The following PCSK2 variants were observed in gnomAD, a reference collection of about 807,000 sequenced individuals.
PCSK2 encodes the protein proprotein convertase subtilisin/kexin type 2, also known as neuroendocrine convertase 2.
PCSK2 carries 14 observed loss-of-function variants against 69.7 expected under a neutral mutation model. The observed-to-expected ratio is 0.20, with a 90% CI of 0.13 to 0.31. The LOEUF is 0.31. PCSK2 is among the 10% of genes least tolerant of loss of function. PCSK2 has a pLI of 1.00. For synonymous variants in PCSK2, 307 were observed against 320.7 expected (o/e 0.96, Z 0.46); for missense variants, 544 against 842.5 (o/e 0.65, Z 4.39).
At chr20:17,449,625 G>A (rs1280356843) in intron 8 of PCSK2, among the ~76,000 whole-genome samples, 2 of 146,794 alleles carry the variant, frequency 1.4e-5, no homozygotes, top group Non-Finnish European at 3.0e-5. Context: ...CCGCCTCCTG[G>A]GTTCAAGCAA....
At chr20:17,259,356 C>T (rs6044705) in intron 1 of PCSK2, among the ~76,000 whole-genome samples, 49,442 of 152,072 alleles carry the variant, frequency 0.33, 8,777 homozygotes, top group Middle Eastern at 0.46. Context: ...AGCATGTCTT[C>T]ATCAATGTGA....
chr20:17,414,767 A>G (rs1448588956), intron 6 of PCSK2, among the ~76,000 whole-genome samples: 1 of 152,250 alleles, frequency 6.6e-6, no homozygotes, highest in Non-Finnish European at 1.5e-5. Context: ...CCTGATGAAC[A>G]TTGATGCAAA....
At chr20:17,260,410 T>C in intron 2 of PCSK2, 66 bp downstream of exon 2, 1 of 1,081,676 alleles carries the variant, frequency 9.2e-7, no homozygotes, top group Non-Finnish European at 1.4e-6. Flanking sequence ...CAAGGGGGTG[T>C]GGAGGGGCTG....
At chr20:17,410,786 C>G (rs149635081) in intron 6 of PCSK2, among the ~76,000 whole-genome samples, 2 of 152,288 alleles carry the variant, frequency 1.3e-5, no homozygotes, top group African/African-American at 4.8e-5. Flanking sequence ...TGCCATTAAG[C>G]TGGGGTTTAG....
chr20:17,361,162 G>A (rs1021668642), intron 4 of PCSK2, among the ~76,000 whole-genome samples: 7 of 152,310 alleles, frequency 4.6e-5, no homozygotes, highest in Non-Finnish European at 7.3e-5. Flanking sequence ...CATCATCACA[G>A]ATAGTTACAT....
intron 5 of PCSK2, among the ~76,000 whole-genome samples, chr20:17,400,339 G>A (rs1450934460): frequency 6.6e-6 from 1 of 152,160 alleles, no homozygotes; most frequent in Non-Finnish European, 1.5e-5. Context: ...AGAGGTCTCT[G>A]GAGCCAGACT....
chr20:17,237,408 C>T (rs557266989), intron 1 of PCSK2, among the ~76,000 whole-genome samples: 4 of 152,200 alleles, frequency 2.6e-5, no homozygotes, highest in South Asian at 4.1e-4. Flanking sequence ...GAAAACAAAG[C>T]GAAGTCCTAG....
In PCSK2 at chr20:17,227,356, C is replaced by G. The variant is rs1985960863; in HGVS notation, c.51C>G (p.Phe17Leu). 2 of 1,614,026 alleles carry G rather than the reference C, an allele frequency of 1.2e-6. No homozygotes were observed. The highest frequency in any genetic ancestry group is 1.7e-6 in the Non-Finnish European group (2 of 1,179,954). The change falls in exon 1 of 12, where the codon TTC becomes TTG. Residue 17 changes from phenylalanine (F) to leucine (L), a missense_variant. This residue lies in a region of PCSK2 where 157 missense variants were observed against 155.0 expected (regional missense o/e 1.01). Coordinates refer to ENST00000262545, the MANE Select transcript of PCSK2 (RefSeq NM_002594.5). ...SQWKAAAGFL[F>L]CVMVFASAER... ...GGAAGGCGGCCGCCGGGTTCCTCTT[C>G]TGTGTCATGGTTTTTGCATCTGCTG... is the stretch of plus-strand genomic sequence containing the variant.
intron 2 of PCSK2, among the ~76,000 whole-genome samples, chr20:17,325,096 T>G (rs1990001433): frequency 6.6e-6 from 1 of 152,122 alleles, no homozygotes; most frequent in Non-Finnish European, 1.5e-5. Context: ...CCCCCACAAA[T>G]GCATGCACAA....
intron 2 of PCSK2, among the ~76,000 whole-genome samples, chr20:17,315,528 G>A (rs115365635): frequency 0.015 from 2,324 of 152,242 alleles, 68 homozygotes; most frequent in African/African-American, 0.053. Context: ...GGTCTCTGTC[G>A]GACCTGCGAC....
intron 2 of PCSK2, among the ~76,000 whole-genome samples, chr20:17,300,175 CT>C (rs1364078441): frequency 6.6e-6 from 1 of 152,240 alleles, no homozygotes; most frequent in African/African-American, 2.4e-5. Flanking sequence ...CCCACCCCTT[CT>C]GCTGAGGCAG....
At chr20:17,450,604 C>G (rs1235231280) in intron 8 of PCSK2, among the ~76,000 whole-genome samples, 2 of 152,190 alleles carry the variant, frequency 1.3e-5, no homozygotes, top group Non-Finnish European at 2.9e-5. Context: ...AAGCCTTAAG[C>G]AGATGCCCAA....
chr20:17,394,130 T>A (rs1408858842), intron 5 of PCSK2, among the ~76,000 whole-genome samples: 3 of 152,200 alleles, frequency 2.0e-5, no homozygotes, highest in Non-Finnish European at 4.4e-5. Context: ...AGACCCTGGA[T>A]CTGTTTTCTG....
chr20:17,404,615 C>T (rs979570464), intron 5 of PCSK2, among the ~76,000 whole-genome samples: 2 of 152,202 alleles, frequency 1.3e-5, no homozygotes, highest in African/African-American at 4.8e-5. Context: ...AAACTCCCAA[C>T]AAGGTAGTCA....
chr20:17,334,636 C>A lies in PCSK2; in HGVS notation c.283-23691C>A, dbSNP rs760829406. The stretch of plus-strand genomic sequence containing the variant: ...GTGGTAAAGTTAAGGCTGGGGAGGG[C>A]CAATAGGAAGGGGCCATGAGGGGTG... On this transcript the variant is annotated intron_variant, in intron 2 of 11. Coordinates refer to ENST00000262545, the MANE Select transcript of PCSK2 (RefSeq NM_002594.5). Among the ~76,000 whole-genome samples the A allele has an allele frequency of 1.1e-4, 17 of 152,022 alleles. No homozygotes were observed. The Middle Eastern group carries it at 0.01, about 91-fold the overall frequency.
At chr20:17,399,157 G>A (rs904872422) in intron 5 of PCSK2, among the ~76,000 whole-genome samples, 2 of 152,228 alleles carry the variant, frequency 1.3e-5, no homozygotes, top group South Asian at 4.1e-4. Flanking sequence ...ACAAGTGGCA[G>A]GATGGGTATT....
At chr20:17,233,195 C>T (rs949949531) in intron 1 of PCSK2, among the ~76,000 whole-genome samples, 10 of 152,160 alleles carry the variant, frequency 6.6e-5, no homozygotes, top group African/African-American at 2.2e-4. Flanking sequence ...GCACTGGAAA[C>T]TTGGCTAGGT....
chr20:17,462,580 T>G (rs1224478542), intron 10 of PCSK2, among the ~76,000 whole-genome samples: 2 of 152,188 alleles, frequency 1.3e-5, no homozygotes, highest in Admixed American at 1.3e-4. Flanking sequence ...ACATTTTCAA[T>G]ACTGAGTTGT....
intron 1 of PCSK2, among the ~76,000 whole-genome samples, chr20:17,252,080 A>G (rs988429759): frequency 2.0e-5 from 3 of 152,158 alleles, no homozygotes; most frequent in Non-Finnish European, 4.4e-5. Flanking sequence ...AACAAGGCAC[A>G]AGTCTAATGG....
Sources: gnomAD v4.1 joint callset for allele counts (sites outside exome capture counted in the v4.1 genomes callset) on GRCh38, gnomAD v4.1.1 for gene constraint, gnomAD v4.1.1 regional missense constraint, MANE v1.5 for transcripts, NCBI Gene and HGNC (gene_info 2026-07-23, HGNC 2026-07-21) for gene names.